Variants in IGBP1 observed in about 807,000 individuals in gnomAD.
The protein encoded by IGBP1 is immunoglobulin binding protein 1.
In IGBP1, 2 loss-of-function variants were observed where a neutral mutation model predicts 25.9. The ratio of observed to expected loss-of-function variants is 0.08; its 90% confidence interval spans 0.03 to 0.24. The LOEUF is 0.24. Among genes scored for constraint, IGBP1 ranks in the 10% least tolerant of loss-of-function variants. The pLI is 1.00. For missense variants in IGBP1, 187 were observed against 260.4 expected (o/e 0.72, Z 1.94); for synonymous variants, 96 against 93.4 (o/e 1.03, Z -0.16).
intron 3 of IGBP1, among the ~76,000 whole-genome samples, chrX:70,140,855 A>G (rs1474378695): frequency 8.9e-6 from 1 of 112,091 alleles, no homozygotes; most frequent in Non-Finnish European, 1.9e-5. Flanking sequence ...AGTCATTTCC[A>G]TAGACACATT....
chrX:70,154,580 G>A (rs961143707), intron 6 of IGBP1, among the ~76,000 whole-genome samples: 18 of 105,634 alleles, frequency 1.7e-4, no homozygotes, highest in Middle Eastern at 4.7e-3. Flanking sequence ...CCAACAATAA[G>A]AAAAGGAGCA....
chrX:70,143,549 A>C (rs1213059227), intron 3 of IGBP1, among the ~76,000 whole-genome samples: 2 of 112,125 alleles, frequency 1.8e-5, no homozygotes, highest in Admixed American at 1.9e-4. Flanking sequence ...TTGGGAACAG[A>C]GAAAGGAAAT....
chrX:70,133,654 C>T, intron 1 of IGBP1, 69 bp from the exon 2 acceptor site: 1 of 428,386 alleles, frequency 2.3e-6, no homozygotes, highest in Non-Finnish European at 4.0e-6. Context: ...TTCTCAGCCC[C>T]GTGTCGGCGA....
At chrX:70,148,548 T>C in intron 4 of IGBP1, 1 of 401,283 alleles carries the variant, frequency 2.5e-6, no homozygotes, top group Non-Finnish European at 4.4e-6. Flanking sequence ...GAGAACTTTC[T>C]CTTTCTTTCT....
rs1255880737 is a variant in IGBP1, at chrX:70,166,077, TACA to T, written c.*99_*101del. 1 of 877,109 alleles carries T rather than the reference TACA, an allele frequency of 1.1e-6. No homozygotes were observed. Among genetic ancestry groups the T allele is most frequent in the Non-Finnish European group, 1.6e-6 (1 of 616,174 alleles). The allele number at this position is 877,109 out of a possible 1,213,427, so 72.3% of individuals were successfully genotyped here. A position where few individuals can be genotyped will look rare whatever the true frequency, so the allele number is the denominator to read the frequency against. On this transcript the variant is annotated 3_prime_UTR_variant, in exon 7 of 7. Coordinates refer to ENST00000356413, the MANE Select transcript of IGBP1 (RefSeq NM_001551.3). ...TCCCTGGTCTCCTGCTTCAGCTCTG[TACA>T]ACGAGGGCAAAGATGCTAAATCTTG...
Position 70,133,759 on chromosome X carries a change from A to G in IGBP1, c.-189A>G. 2.2e-6 allele frequency: 1 copy of G among 451,900 alleles called. No homozygotes were observed. Among genetic ancestry groups the G allele is most frequent in the Non-Finnish European group, 3.9e-6 (1 of 259,597 alleles). 37.2% of individuals were successfully genotyped at this position (451,900 alleles called of 1,213,427 possible). On this transcript the variant is annotated 5_prime_UTR_variant, in exon 2 of 7. Coordinates refer to ENST00000356413, the MANE Select transcript of IGBP1 (RefSeq NM_001551.3). ...TTGTAACGGGCTGCCTGGTAAAATG[A>G]GTCTATGGAAACGGTTGCCAGGGCC...
intron 2 of IGBP1, 102 bp downstream of exon 2, chrX:70,134,237 C>T (rs1341132086): frequency 1.3e-5 from 10 of 755,232 alleles, no homozygotes; most frequent in Admixed American, 2.5e-5. Flanking sequence ...GTGGTGAGAA[C>T]GTTTCGTTCC....
chrX:70,152,170 AAG>A (rs1290778176), intron 6 of IGBP1, among the ~76,000 whole-genome samples: 1 of 111,231 alleles, frequency 9.0e-6, no homozygotes, highest in African/African-American at 3.3e-5. Context: ...TATCCCAGAA[AAG>A]AGAGAACCAC....
chrX:70,152,169 A>G (rs944285519), intron 6 of IGBP1, among the ~76,000 whole-genome samples: 3 of 111,243 alleles, frequency 2.7e-5, no homozygotes, highest in African/African-American at 9.8e-5. Flanking sequence ...TTATCCCAGA[A>G]AAGAGAGAAC....
At chrX:70,134,432 C>A in intron 2 of IGBP1, 91 bp from the exon 3 acceptor site, 1 of 981,515 alleles carries the variant, frequency 1.0e-6, no homozygotes. Flanking sequence ...TGGTCCACTC[C>A]CAGCCCAGCC....
intron 3 of IGBP1, among the ~76,000 whole-genome samples, chrX:70,138,029 G>A (rs1328912600): frequency 9.1e-6 from 1 of 109,455 alleles, no homozygotes; most frequent in Non-Finnish European, 1.9e-5. Context: ...CCAGGTACTC[G>A]GGAGGCTGAG....
intron 6 of IGBP1, among the ~76,000 whole-genome samples, chrX:70,162,136 G>A (rs1412328446): frequency 8.9e-6 from 1 of 111,822 alleles, no homozygotes. Flanking sequence ...CAATGTGGAA[G>A]GAGACAGGAG....
chrX:70,158,444 C>T (rs1418346702), intron 6 of IGBP1, among the ~76,000 whole-genome samples: 2 of 111,853 alleles, frequency 1.8e-5, no homozygotes, highest in Non-Finnish European at 3.8e-5. Context: ...AGAAAGGGAG[C>T]CCTTATGAAG....
chrX:70,147,810 C>T (rs1241956326), intron 4 of IGBP1, among the ~76,000 whole-genome samples: 1 of 112,166 alleles, frequency 8.9e-6, no homozygotes, highest in African/African-American at 3.2e-5. Flanking sequence ...TTGAATTTAT[C>T]AGCAAGTCAC....
chrX:70,146,658 C>T lies in IGBP1; in HGVS notation c.508C>T (p.His170Tyr). 2 of 1,208,116 alleles carry T rather than the reference C, an allele frequency of 1.7e-6. No homozygotes were observed. The highest frequency in any genetic ancestry group is 2.2e-6 in the Non-Finnish European group (2 of 893,240). ...QRYKQKKELE[H>Y]RLSAMKSAVE... The stretch of plus-strand genomic sequence containing the variant: ...ATACAAGCAGAAGAAGGAGTTGGAG[C>T]ATAGGTTGTCTGCAATGAAATCTGC... Residue 170 changes from histidine to tyrosine, a missense_variant, in exon 4 of 7, where the codon CAT (histidine) becomes TAT (tyrosine). Transcript: ENST00000356413.
chrX:70,143,344 A>AT (rs2085144262), intron 3 of IGBP1, among the ~76,000 whole-genome samples: 1 of 112,323 alleles, frequency 8.9e-6, no homozygotes, highest in South Asian at 3.6e-4. Context: ...AGTTACAGAG[A>AT]TTTTATGGTG....
chrX:70,139,307 G>A (rs1156770180), intron 3 of IGBP1, among the ~76,000 whole-genome samples: 3 of 89,461 alleles, frequency 3.4e-5, no homozygotes, highest in Non-Finnish European at 6.5e-5. Flanking sequence ...GCGAGACTCC[G>A]TCTCAAAAAA....
At position 70,134,747 on chromosome X, in the gene IGBP1, C is replaced by T. The variant is rs1417443367; in HGVS notation, c.413C>T (p.Thr138Ile). The change falls in exon 3 of 7, where the codon ACT becomes ATT. Residue 138 changes from threonine to isoleucine, a missense_variant. Physicochemically the swap from Thr to Ile is moderately conservative, Grantham distance 89. Coordinates refer to ENST00000356413, the MANE Select transcript of IGBP1 (RefSeq NM_001551.3). ...KTMNNSAENHTANSSMAYPSL... is the reference protein window; with the variant it reads ...KTMNNSAENHIANSSMAYPSL... ...ATGAACAACTCTGCTGAAAATCACA[C>T]TGCCAATTCCTCCATGGCTTATCCT... The T allele has an allele frequency of 8.3e-7, 1 of 1,210,188 alleles. No homozygotes were observed. The highest frequency in any genetic ancestry group is 1.1e-6 in the Non-Finnish European group (1 of 894,785).
rs376866814 is a variant in IGBP1, at chrX:70,150,330, G to A, written c.871+8G>A. On this transcript the variant is annotated splice_region_variant and intron_variant, in intron 6 of 6. Transcript: ENST00000356413. Reference sequence around the variant, plus strand: ...TAGCCAAGGCAGCACCAGGTATGACGGGGTAGGAGGGAAATAGTTGTACCA... The same window carrying A: ...TAGCCAAGGCAGCACCAGGTATGACAGGGTAGGAGGGAAATAGTTGTACCA... 39 of 1,043,385 alleles carry A rather than the reference G, an allele frequency of 3.7e-5. No individual in the cohort carries two copies. Among genetic ancestry groups the A allele is most frequent in the Admixed American group, 3.5e-4 (16 of 45,366 alleles). The allele number at this position is 1,043,385 out of a possible 1,213,427, so 86.0% of individuals were successfully genotyped here.
Sources: gnomAD v4.1 joint callset for allele counts (sites outside exome capture counted in the v4.1 genomes callset) on GRCh38, gnomAD v4.1.1 for gene constraint, MANE v1.5 for transcripts, NCBI Gene and HGNC (gene_info 2026-07-23, HGNC 2026-07-21) for gene names.